SVIL: variants seen among roughly 807,000 people sequenced by gnomAD.
The protein encoded by SVIL is archvillin.
SVIL carries 101 observed loss-of-function variants against 240.4 expected under a neutral mutation model. That is an observed-to-expected ratio of 0.42 (90% CI 0.36 to 0.50). The LOEUF (loss-of-function observed/expected upper bound fraction) is 0.50, where lower values mean the gene tolerates loss of function less well. SVIL is among the 20% of genes least tolerant of loss of function. The probability of loss-of-function intolerance (pLI) is 0.01; values close to 1 mark genes in which losing one functional copy is unlikely to be tolerated. For missense variants in SVIL, 2,512 were observed against 2,818.7 expected (o/e 0.89, Z 2.46); for synonymous variants, 999 against 1,100.0 (o/e 0.91, Z 1.82).
At chr10:29,545,391 A>G (rs1952567759) in intron 6 of SVIL, among the ~76,000 whole-genome samples, 1 of 151,818 alleles carries the variant, frequency 6.6e-6, no homozygotes, top group Admixed American at 6.6e-5. Context: ...ACCAATGGCA[A>G]CTCTCCCAGG....
chr10:29,717,001 C>T (rs992723504), intron 1 of SVIL, among the ~76,000 whole-genome samples: 14 of 152,220 alleles, frequency 9.2e-5, no homozygotes, highest in Admixed American at 4.6e-4. Context: ...GAGGCCAAGG[C>T]GGGTGGATCA....
chr10:29,677,999 TC>T (rs1183767248), intron 2 of SVIL, among the ~76,000 whole-genome samples: 1 of 152,080 alleles, frequency 6.6e-6, no homozygotes, highest in African/African-American at 2.4e-5. Context: ...CACTAGAAAG[TC>T]ATTTATCTTC....
At chr10:29,728,171 C>G (rs1964403138) in intron 1 of SVIL, among the ~76,000 whole-genome samples, 1 of 152,098 alleles carries the variant, frequency 6.6e-6, no homozygotes, top group Admixed American at 6.5e-5. Context: ...AGCACAAACT[C>G]CCTTCCAAGA....
intron 16 of SVIL, among the ~76,000 whole-genome samples, chr10:29,521,265 A>C (rs1950547106): frequency 6.6e-6 from 1 of 151,798 alleles, no homozygotes; most frequent in African/African-American, 2.4e-5. Flanking sequence ...AAAAGAAAGA[A>C]AGAAGACTTT....
At chr10:29,685,784 A>T (rs1589512131) in intron 2 of SVIL, among the ~76,000 whole-genome samples, 1 of 152,188 alleles carries the variant, frequency 6.6e-6, no homozygotes, top group Admixed American at 6.5e-5. Flanking sequence ...GTAATGAGGC[A>T]TGCCTGACCC....
rs1191700962 is a variant in SVIL at position 29,523,438 on chromosome 10, A to G, written c.3163+13T>C. ...AGTGGCTTTCTAAAGCTTTAGGGGCACTGGTCACTTACCTCTTAGTGAAAA... is the reference window on the plus strand; with the variant it reads ...AGTGGCTTTCTAAAGCTTTAGGGGCGCTGGTCACTTACCTCTTAGTGAAAA... On this transcript the variant is annotated intron_variant, in intron 15 of 37. Coordinates refer to ENST00000355867, the MANE Select transcript of SVIL (RefSeq NM_021738.3). The G allele has an allele frequency of 4.4e-6, 7 of 1,579,132 alleles. No individual in the cohort carries two copies. The highest frequency in any genetic ancestry group is 3.4e-6 in the Non-Finnish European group (4 of 1,163,170).
At chr10:29,605,011 A>G (rs1014219707) in intron 1 of SVIL, among the ~76,000 whole-genome samples, 12 of 152,232 alleles carry the variant, frequency 7.9e-5, no homozygotes, top group Admixed American at 2.0e-4. Flanking sequence ...GGGCGGGAAT[A>G]CTGTTATTTG....
intron 1 of SVIL, among the ~76,000 whole-genome samples, chr10:29,614,937 A>G (rs1957377166): frequency 6.6e-6 from 1 of 152,238 alleles, no homozygotes; most frequent in Non-Finnish European, 1.5e-5. Context: ...CTACAGGCAT[A>G]AACCTATCTG....
intron 1 of SVIL, among the ~76,000 whole-genome samples, chr10:29,706,016 T>G (rs1040609134): frequency 6.6e-6 from 1 of 152,190 alleles, no homozygotes; most frequent in African/African-American, 2.4e-5. Context: ...GAGCTACTTT[T>G]AATAAATCGA....
Position 29,523,888 on chromosome 10 carries a change from T to G in SVIL, c.2726A>C (p.Tyr909Ser), listed in dbSNP as rs768935037. The change falls in exon 15 of 38, where the codon TAT becomes TCT. Residue 909 changes from tyrosine to serine, a missense_variant. Tyr to Ser is a moderately radical substitution (Grantham distance 144, BLOSUM62 -2). This residue lies in a region of SVIL where 1,443 missense variants were observed against 1,486.6 expected (regional missense o/e 0.97). Coordinates refer to ENST00000355867, the MANE Select transcript of SVIL (RefSeq NM_021738.3). ...ATTTTCTATTGAAGAAGAAAACTTA[T>G]AGTCAGTGGCACTTGCATTGTGGTC... ...PLDHNASATD[Y>S]KFSSSIENSD... 1.2e-6 allele frequency: 2 copies of G among 1,614,080 alleles called. No individual in the cohort carries two copies. Among genetic ancestry groups the G allele is most frequent in the East Asian group, 4.5e-5 (2 of 44,892 alleles).
At chr10:29,635,172 G>A (rs940247425), upstream of SVIL, among the ~76,000 whole-genome samples, 1 of 152,208 alleles carries the variant, frequency 6.6e-6, no homozygotes, top group Non-Finnish European at 1.5e-5. Flanking sequence ...AAATACAACA[G>A]CAGTCTACTG....
At position 29,533,079 on chromosome 10, in the gene SVIL, C is replaced by A; in HGVS notation, c.1288G>T (p.Glu430Ter). The A allele has an allele frequency of 6.2e-7, 1 of 1,614,008 alleles. No homozygotes were observed. Among genetic ancestry groups the A allele is most frequent in the Non-Finnish European group, 8.5e-7 (1 of 1,179,954 alleles). Reference protein sequence around the residue: ...LHVCESKAEEEEGEGEGEEKE... With the variant: ...LHVCESKAEE The stretch of plus-strand genomic sequence containing the variant: ...TCTTCTCCTTCTCCTTCCCCTTCTT[C>A]TTCTTCTGCTTTTGACTCGCAGACA... The change falls in exon 8 of 38, where the codon GAA (glutamate) becomes TAA (stop). Residue 430 changes from glutamate to a stop codon, truncating the protein, a stop_gained. Transcript: ENST00000355867. LOFTEE classifies it high-confidence loss of function.
In SVIL at chr10:29,664,693, C is replaced by T. The variant is rs1031846113; in HGVS notation, c.-300-6625G>A. Among the ~76,000 whole-genome samples the T allele has an allele frequency of 1.7e-3, 247 of 149,276 alleles. 1 individual carries two copies. Among genetic ancestry groups the T allele is most frequent in the African/African-American group, 5.6e-3 (225 of 40,322 alleles). Reference sequence around the variant, plus strand: ...TCGTAATTTTATATATATATATATACACACACACACACACATGCACACATA... The same window carrying T: ...TCGTAATTTTATATATATATATATATACACACACACACACATGCACACATA... On this transcript the variant is annotated intron_variant, in intron 2 of 35. Coordinates refer to the SVIL transcript ENST00000375400.
intron 3 of SVIL, among the ~76,000 whole-genome samples, chr10:29,655,874 G>GTTTTT (rs3030622): frequency 7.3e-6 from 1 of 136,252 alleles, no homozygotes; most frequent in Admixed American, 7.4e-5. Flanking sequence ...GTATGTGTGG[G>GTTTTT]TTTTTTTTTT....
Position 29,465,594 on chromosome 10 carries a change from C to G in SVIL, c.6133+1G>C, listed in dbSNP as rs532348488. On this transcript the variant is annotated splice_donor_variant, in intron 34 of 37. Coordinates refer to ENST00000355867, the MANE Select transcript of SVIL (RefSeq NM_021738.3). LOFTEE classifies it high-confidence loss of function. ...GCATAGCTGCCCCCTGCAGGCCTTA[C>G]CTGGCTGGGGCGCGCTGTACAGATC... 6.2e-7 allele frequency: 1 copy of G among 1,603,206 alleles called. No homozygotes were observed. Among genetic ancestry groups the G allele is most frequent in the Non-Finnish European group, 8.5e-7 (1 of 1,174,370 alleles).
At chr10:29,724,008 C>T (rs991382907) in intron 1 of SVIL, among the ~76,000 whole-genome samples, 3 of 152,100 alleles carry the variant, frequency 2.0e-5, no homozygotes, top group African/African-American at 7.2e-5. Context: ...TTTAGAGAGA[C>T]TTGGGTATGG....
At chr10:29,655,754 G>A (rs1019737623) in intron 3 of SVIL, among the ~76,000 whole-genome samples, 2 of 152,192 alleles carry the variant, frequency 1.3e-5, no homozygotes, top group African/African-American at 4.8e-5. Flanking sequence ...CTGAGCTTAG[G>A]AGAAAAGCTT....
At chr10:29,562,860 G>T (rs1411786647) in intron 3 of SVIL, among the ~76,000 whole-genome samples, 1 of 151,908 alleles carries the variant, frequency 6.6e-6, no homozygotes, top group Non-Finnish European at 1.5e-5. Flanking sequence ...AAGAAATGGG[G>T]GTATGGTCAG....
intron 6 of SVIL, among the ~76,000 whole-genome samples, chr10:29,546,218 T>C (rs577380248): frequency 1.3e-5 from 2 of 152,226 alleles, no homozygotes; most frequent in Non-Finnish European, 2.9e-5. Flanking sequence ...GTGGAATTAA[T>C]AAAGAATGGT....
Sources: allele counts gnomAD v4.1 joint callset (sites outside exome capture counted in the v4.1 genomes callset), GRCh38; gene constraint gnomAD v4.1.1; regional missense constraint gnomAD v4.1.1; transcripts MANE v1.5; gene names NCBI Gene and HGNC (gene_info 2026-07-23, HGNC 2026-07-21).